Variants in SV2C observed in about 807,000 individuals in gnomAD.
SV2C encodes the protein solute carrier family 22 member B3.
A neutral mutation model predicts 79.7 loss-of-function variants in SV2C; 49 were observed. The ratio of observed to expected loss-of-function variants is 0.61; its 90% confidence interval spans 0.49 to 0.78. The LOEUF (loss-of-function observed/expected upper bound fraction) is 0.78. Among genes scored for constraint, SV2C ranks in the 30% least tolerant of loss-of-function variants. The probability of loss-of-function intolerance (pLI) is 0.00; values close to 1 mark genes in which losing one functional copy is unlikely to be tolerated. For synonymous variants in SV2C, 334 were observed against 333.2 expected (o/e 1.00, Z -0.03); for missense variants, 833 against 912.9 (o/e 0.91, Z 1.13).
At chr5:76,023,938 C>T in the SV2C span, among the ~76,000 whole-genome samples, 1 of 151,302 alleles carries the variant, frequency 6.6e-6, no homozygotes. Context: ...CACTAGATAC[C>T]AGTAGCACTC....
intron 8 of SV2C, among the ~76,000 whole-genome samples, chr5:76,292,177 C>G (rs1290679989): frequency 6.6e-6 from 1 of 152,144 alleles, no homozygotes; most frequent in Admixed American, 6.5e-5. Context: ...TTTGAACATT[C>G]TAGAACAGTT....
At chr5:75,908,947 G>C in the SV2C span, among the ~76,000 whole-genome samples, 1 of 152,198 alleles carries the variant, frequency 6.6e-6, no homozygotes, top group East Asian at 1.9e-4. Context: ...CAGTGTTAAT[G>C]ATTCCTATAG....
chr5:76,025,956 A>C, the SV2C span, among the ~76,000 whole-genome samples: 1 of 152,170 alleles, frequency 6.6e-6, no homozygotes, highest in Non-Finnish European at 1.5e-5. Flanking sequence ...GTGATTTTCA[A>C]CCAGGATGGT....
the SV2C span, among the ~76,000 whole-genome samples, chr5:75,852,135 A>C: frequency 9.5e-4 from 145 of 152,184 alleles, no homozygotes; most frequent in Non-Finnish European, 1.6e-3. Flanking sequence ...GGACACAGGG[A>C]GGGGAACATC....
At position 76,325,541 on chromosome 5, in the gene SV2C, G is replaced by A; in HGVS notation, c.2178G>A (p.Leu726=). ...TGCCTGACACACGAACCCAGGTTCTGATGTAATGGGAAAAAAAGCCATCCT... is the reference window on the plus strand; with the variant it reads ...TGCCTGACACACGAACCCAGGTTCTAATGTAATGGGAAAAAAAGCCATCCT... The part of the protein sequence containing the change: ...LCLPDTRTQV[L]M The change falls in exon 13 of 13, where the codon CTG becomes CTA. Residue 726 remains leucine, a synonymous_variant. Transcript: ENST00000502798. The A allele has an allele frequency of 6.2e-7, 1 of 1,613,286 alleles. No individual in the cohort carries two copies. The highest frequency in any genetic ancestry group is 8.5e-7 in the Non-Finnish European group (1 of 1,179,624).
the SV2C span, among the ~76,000 whole-genome samples, chr5:76,003,742 C>T: frequency 3.9e-5 from 6 of 152,130 alleles, no homozygotes; most frequent in South Asian, 8.3e-4. Context: ...ATTTAACTTA[C>T]CTGTATAAAA....
chr5:76,253,794 C>G (rs1198068104), intron 4 of SV2C, among the ~76,000 whole-genome samples: 1 of 151,684 alleles, frequency 6.6e-6, no homozygotes, highest in East Asian at 1.9e-4. Context: ...TTTAATATCA[C>G]CGAGTCAAAA....
intron 2 of SV2C, among the ~76,000 whole-genome samples, chr5:76,181,144 T>C (rs1197975695): frequency 6.6e-6 from 1 of 152,120 alleles, no homozygotes; most frequent in East Asian, 1.9e-4. Context: ...AGGCAAACGC[T>C]TCCTCTAAAG....
the SV2C span, among the ~76,000 whole-genome samples, chr5:75,999,711 C>A: frequency 6.6e-6 from 1 of 151,082 alleles, no homozygotes. Flanking sequence ...AAAAAAAATA[C>A]CACAGGCTGA....
intron 2 of SV2C, among the ~76,000 whole-genome samples, chr5:76,161,441 C>T (rs536398999): frequency 1.1e-4 from 16 of 152,288 alleles, no homozygotes; most frequent in Admixed American, 4.6e-4. Flanking sequence ...CTCTCTGTCA[C>T]GCAGGCTGGA....
chr5:75,903,343 G>C, the SV2C span, among the ~76,000 whole-genome samples: 12 of 150,734 alleles, frequency 8.0e-5, no homozygotes, highest in Non-Finnish European at 1.6e-4. Flanking sequence ...TTGTGTGTAG[G>C]AGTGAGAGGT....
the SV2C span, among the ~76,000 whole-genome samples, chr5:76,019,739 G>T: frequency 6.6e-6 from 1 of 152,128 alleles, no homozygotes. Flanking sequence ...GGGAAGACAA[G>T]AAGGCCATAC....
the SV2C span, among the ~76,000 whole-genome samples, chr5:75,976,468 A>G: frequency 6.6e-6 from 1 of 152,012 alleles, no homozygotes; most frequent in African/African-American, 2.4e-5. Flanking sequence ...TCAGGTTGGA[A>G]TGAGATGTGC....
At position 76,153,549 on chromosome 5, in the gene SV2C, C is replaced by G. The variant is rs190341268; in HGVS notation, c.580+21219C>G. 4.3e-4 allele frequency among the ~76,000 whole-genome samples: 66 copies of G among 152,240 alleles called. 1 individual carries two copies. The highest frequency in any genetic ancestry group is 2.9e-5 in the Non-Finnish European group (2 of 68,016). ...CAGACTGGGTGATGGAGTTGCAAAG[C>G]CATGATCCCTGCTCCTGAGAGTTTA... is the stretch of plus-strand genomic sequence containing the variant. On this transcript the variant is annotated intron_variant, in intron 2 of 12. Coordinates refer to ENST00000502798, the MANE Select transcript of SV2C (RefSeq NM_014979.4).
chr5:75,985,717 A>T, the SV2C span, among the ~76,000 whole-genome samples: 1 of 151,902 alleles, frequency 6.6e-6, no homozygotes, highest in African/African-American at 2.4e-5. Context: ...TAAAAAAAGT[A>T]AAAAAAGTGA....
At chr5:76,273,874 G>A (rs1746946616) in intron 4 of SV2C, among the ~76,000 whole-genome samples, 1 of 152,196 alleles carries the variant, frequency 6.6e-6, no homozygotes. Flanking sequence ...CATCTCTGTT[G>A]GCAATAGCGT....
intron 12 of SV2C, among the ~76,000 whole-genome samples, chr5:76,348,314 AC>A (rs1276033651): frequency 6.6e-6 from 1 of 152,190 alleles, no homozygotes; most frequent in African/African-American, 2.4e-5. Context: ...TGGATGTACC[AC>A]GGTGCATCCA....
At chr5:75,978,055 C>A in the SV2C span, among the ~76,000 whole-genome samples, 1 of 152,174 alleles carries the variant, frequency 6.6e-6, no homozygotes, top group Non-Finnish European at 1.5e-5. Context: ...CTGATTATGT[C>A]TGGAACCATG....
chr5:76,079,179 G>A (rs147089328), upstream of SV2C: 9 of 341,400 alleles, frequency 2.6e-5, no homozygotes, highest in East Asian at 2.2e-4. Flanking sequence ...ATGTTGATTC[G>A]GCAGAGTGAT....
Sources: gnomAD v4.1 joint callset for allele counts (sites outside exome capture counted in the v4.1 genomes callset) on GRCh38, gnomAD v4.1.1 for gene constraint, MANE v1.5 for transcripts, NCBI Gene and HGNC (gene_info 2026-07-23, HGNC 2026-07-21) for gene names.